The following STK11IP variants were observed in gnomAD, a reference collection of about 807,000 sequenced individuals.
STK11IP encodes the protein serine/threonine-protein kinase 11-interacting protein.
In STK11IP, 103 loss-of-function variants were observed where a neutral mutation model predicts 131.7. The ratio of observed to expected loss-of-function variants is 0.78; its 90% CI spans 0.67 to 0.92. The LOEUF (loss-of-function observed/expected upper bound fraction) is 0.92, where lower values mean the gene tolerates loss of function less well. Among genes scored for constraint, STK11IP ranks in the 40% least tolerant of loss-of-function variants. The probability of loss-of-function intolerance (pLI) is 0.00; values close to 1 mark genes in which losing one functional copy is unlikely to be tolerated. For synonymous variants in STK11IP, 557 were observed against 575.6 expected (o/e 0.97, Z 0.46); for missense variants, 1,315 against 1,385.7 (o/e 0.95, Z 0.81).
chr2:219,612,969 G>A, intron 19 of STK11IP, 159 bp from the exon 20 acceptor site: 1 of 611,082 alleles, frequency 1.6e-6, no homozygotes, highest in African/African-American at 1.8e-5. Context: ...AGCGGTGGTG[G>A]ATGAAGAGGC....
intron 3 of STK11IP, 84 bp downstream of exon 3, chr2:219,601,524 C>T: frequency 6.4e-7 from 1 of 1,563,474 alleles, no homozygotes; most frequent in Admixed American, 1.9e-5. Context: ...GTGCAGAAGT[C>T]TGCAGTGCCA....
At chr2:219,599,726 A>T (rs978873305) in intron 2 of STK11IP, among the ~76,000 whole-genome samples, 1 of 110,814 alleles carries the variant, frequency 9.0e-6, no homozygotes, top group Non-Finnish European at 1.8e-5. Flanking sequence ...TACCAACATC[A>T]GTGTCCTGAA....
Position 219,601,240 on chromosome 2 carries a change from G to A in STK11IP, c.67G>A (p.Val23Met). ...GTTTGCCCCTTTTTCTGCAGGGGAT[G>A]TGGTCCTGTCTGGCTGTAGCACCCT... ...LAGLLRESGD[V>M]VLSGCSTLSL... The change falls in exon 3 of 25, where the codon GTG (valine) becomes ATG (methionine). Residue 23 changes from valine (V) to methionine (M), a missense_variant. Physicochemically the swap from Val to Met is conservative, Grantham distance 21. Coordinates refer to ENST00000456909, the MANE Select transcript of STK11IP (RefSeq NM_052902.4). 1 of 1,611,368 alleles carries A rather than the reference G, an allele frequency of 6.2e-7. No individual in the cohort carries two copies. Among genetic ancestry groups the A allele is most frequent in the Non-Finnish European group, 8.5e-7 (1 of 1,177,742 alleles).
Position 219,609,085 on chromosome 2 carries a change from C to T in STK11IP, c.1810-12C>T. On this transcript the variant is annotated splice_polypyrimidine_tract_variant and intron_variant, in intron 15 of 24. Coordinates refer to ENST00000456909, the MANE Select transcript of STK11IP (RefSeq NM_052902.4). ...CTGCTGTTTTTCACCCGGTCCCCCT[C>T]TTGCTGCGCAGGGCTCAGATCTGCT... 1 of 1,571,608 alleles carries T rather than the reference C, an allele frequency of 6.4e-7. No individual in the cohort carries two copies. Among genetic ancestry groups the T allele is most frequent in the Non-Finnish European group, 8.7e-7 (1 of 1,155,602 alleles).
In STK11IP at chr2:219,615,080, C is replaced by A; in HGVS notation, c.2870-14C>A. On this transcript the variant is annotated splice_polypyrimidine_tract_variant and intron_variant, in intron 23 of 24. Transcript: ENST00000456909. ...CTCCATGACCTTCCACACTGGATGC[C>A]TCTTTCCCTGCAGGCCCTTCCACCT... The A allele has an allele frequency of 6.2e-7, 1 of 1,604,826 alleles. No individual in the cohort carries two copies. Among genetic ancestry groups the A allele is most frequent in the African/African-American group, 1.3e-5 (1 of 74,964 alleles).
rs750314855 is a variant in STK11IP at position 219,608,210 on chromosome 2, G to C, written c.1383G>C (p.Gln461His). 158 of 1,613,492 alleles carry C rather than the reference G, an allele frequency of 9.8e-5. No homozygotes were observed. The highest frequency in any genetic ancestry group is 1.3e-4 in the Non-Finnish European group (152 of 1,179,876). ...SAPSAPPASS[Q>H]GPDTAPRPSP... ...CCAGTGCACCTCCAGCCAGCTCCCA[G>C]GGCCCCGACACTGCACCCAGACCTT... The change falls in exon 14 of 25, where the codon CAG becomes CAC. Residue 461 changes from glutamine to histidine, a missense_variant. Transcript: ENST00000456909.
chr2:219,598,027 C>G, intron 1 of STK11IP, 67 bp from the exon 2 acceptor site: 1 of 1,569,464 alleles, frequency 6.4e-7, no homozygotes, highest in Non-Finnish European at 8.7e-7. Flanking sequence ...TCGGTTTGCG[C>G]GGACGCCCTG....
intron 13 of STK11IP, 148 bp from the exon 14 acceptor site, chr2:219,607,899 A>G (rs1364069948): frequency 3.4e-5 from 35 of 1,028,224 alleles, no homozygotes; most frequent in Non-Finnish European, 4.7e-5. Context: ...GCTTTAGTAC[A>G]TGCCGCGGAG....
At position 219,598,133 on chromosome 2, in the gene STK11IP, A is replaced by G. The variant is rs758333562; in HGVS notation, c.14A>G (p.Gln5Arg). MTTA[Q>R]RDSLLWKLAG... The stretch of plus-strand genomic sequence containing the variant: ...CGTCCCGTGGCCATGACGACCGCTC[A>G]GAGGGACTCCCTGTTGTGGAAGCTC... The change falls in exon 2 of 25, where the codon CAG becomes CGG. Residue 5 changes from glutamine (Q) to arginine (R), a missense_variant. Coordinates refer to ENST00000456909, the MANE Select transcript of STK11IP (RefSeq NM_052902.4). 2 of 1,591,360 alleles carry G rather than the reference A, an allele frequency of 1.3e-6. No homozygotes were observed. Among genetic ancestry groups the G allele is most frequent in the Admixed American group, 1.8e-5 (1 of 57,088 alleles).
intron 4 of STK11IP, 40 bp downstream of exon 4, chr2:219,601,755 C>T: frequency 1.3e-6 from 2 of 1,566,652 alleles, no homozygotes; most frequent in Non-Finnish European, 1.7e-6. Context: ...CAGCACCCAA[C>T]TTGAGGCAGC....
In STK11IP at chr2:219,608,240, C is replaced by T. The variant is rs578213948; in HGVS notation, c.1413C>T (p.Pro471=). Reference sequence around the variant, plus strand: ...CCGACACTGCACCCAGACCTTCACCCCCGCAGGAGGAAGCCAGAGGCCCCC... The same window carrying T: ...CCGACACTGCACCCAGACCTTCACCTCCGCAGGAGGAAGCCAGAGGCCCCC... ...QGPDTAPRPS[P]PQEEARGPQE... The change falls in exon 14 of 25, where the codon CCC becomes CCT. Residue 471 remains proline (P), a synonymous_variant. Transcript: ENST00000456909. The T allele has an allele frequency of 6.2e-7, 1 of 1,613,638 alleles. No individual in the cohort carries two copies. Among genetic ancestry groups the T allele is most frequent in the Admixed American group, 1.7e-5 (1 of 60,030 alleles).
intron 11 of STK11IP, 94 bp from the exon 12 acceptor site, chr2:219,606,618 G>A: frequency 6.2e-7 from 1 of 1,601,922 alleles, no homozygotes; most frequent in South Asian, 1.1e-5. Context: ...TTCCTGGTCA[G>A]TGGAAAGTAG....
At position 219,605,754 on chromosome 2, in the gene STK11IP, G is replaced by C; in HGVS notation, c.745+20G>C. On this transcript the variant is annotated intron_variant, in intron 8 of 24. Transcript: ENST00000456909. ...TGCATGGTGAGTGGGGGTGTGTGAT[G>C]GGGCAAGCATGGAGGGGAAGGGGGA... is the stretch of plus-strand genomic sequence containing the variant. The C allele has an allele frequency of 6.3e-7, 1 of 1,595,738 alleles. No homozygotes were observed. Among genetic ancestry groups the C allele is most frequent in the Non-Finnish European group, 8.5e-7 (1 of 1,171,384 alleles).
chr2:219,607,251 T>TA (rs1236859396), intron 13 of STK11IP, 114 bp downstream of exon 13: 10 of 964,632 alleles, frequency 1.0e-5, no homozygotes, highest in Middle Eastern at 2.1e-4. Context: ...GGTAGAGTAT[T>TA]ATAGAGGGCT....
In STK11IP at chr2:219,606,201, C is replaced by T; in HGVS notation, c.856C>T (p.Leu286=). The T allele has an allele frequency of 1.3e-6, 2 of 1,563,982 alleles. No individual in the cohort carries two copies. The highest frequency in any genetic ancestry group is 1.2e-5 in the South Asian group (1 of 84,980). Residue 286 remains leucine (L), a synonymous_variant, in exon 10 of 25, where the codon CTG becomes TTG. Coordinates refer to ENST00000456909, the MANE Select transcript of STK11IP (RefSeq NM_052902.4). ...TCCCCTTCCTGCCCCTCAGCTCTAC[C>T]TGGAGGGGAACCCTCTTTGGTTCCA... is the stretch of plus-strand genomic sequence containing the variant. The part of the protein sequence containing the change: ...WLLAELRKLY[L]EGNPLWFHPE...
intron 24 of STK11IP, 154 bp from the exon 25 acceptor site, chr2:219,615,890 A>G (rs1698555151): frequency 7.1e-6 from 7 of 984,566 alleles, no homozygotes; most frequent in Non-Finnish European, 4.7e-6. Flanking sequence ...CAAAGCTCAG[A>G]GTCAGGATCT....
intron 4 of STK11IP, 51 bp from the exon 5 acceptor site, chr2:219,601,937 C>A: frequency 1.3e-6 from 2 of 1,505,938 alleles, no homozygotes; most frequent in South Asian, 1.2e-5. Context: ...GGGATGAGGT[C>A]TTTGTCTTCT....
chr2:219,605,807 CA>C, intron 8 of STK11IP, 73 bp downstream of exon 8: 1 of 1,546,830 alleles, frequency 6.5e-7, no homozygotes. Flanking sequence ...GCCTGGGGAC[CA>C]TGTGCCTCTA....
chr2:219,600,137 A>G (rs949553534), intron 2 of STK11IP, among the ~76,000 whole-genome samples: 2 of 138,698 alleles, frequency 1.4e-5, no homozygotes, highest in Admixed American at 8.3e-5. Flanking sequence ...ATTTCGGCTC[A>G]CTGCAACCTC....
Sources: gnomAD v4.1 joint callset for allele counts (sites outside exome capture counted in the v4.1 genomes callset) on GRCh38, gnomAD v4.1.1 for gene constraint, MANE v1.5 for transcripts, NCBI Gene and HGNC (gene_info 2026-07-23, HGNC 2026-07-21) for gene names.